The following REV3L variants were observed in gnomAD, a reference collection of about 807,000 sequenced individuals.
The protein encoded by REV3L is DNA polymerase zeta catalytic subunit.
Under a neutral mutation model 299.4 loss-of-function variants are expected in REV3L, and 69 were observed. That is an observed-to-expected ratio of 0.23 (90% CI 0.19 to 0.28). REV3L has a LOEUF of 0.28. Ranked by LOEUF, REV3L falls within the 10% of genes least tolerant of loss-of-function variation. REV3L has a pLI of 1.00. For synonymous variants in REV3L, 1,238 were observed against 1,271.4 expected, an observed-to-expected ratio of 0.97 and a Z score of 0.56; for missense variants, 3,128 against 3,693.8, an observed-to-expected ratio of 0.85 and a Z score of 3.97.
intron 1 of REV3L, among the ~76,000 whole-genome samples, chr6:111,464,287 G>C (rs1223357366): frequency 6.6e-6 from 1 of 152,064 alleles, no homozygotes; most frequent in Non-Finnish European, 1.5e-5. Flanking sequence ...TTTATGCTAG[G>C]GAAGGCAAAT....
chr6:111,351,710 A>T lies in REV3L; in HGVS notation c.7266T>A (p.Ser2422Arg). The change falls in exon 19 of 32, where the codon AGT (serine) becomes AGA (arginine). Residue 2422 changes from serine (S) to arginine (R), a missense_variant. Ser to Arg is a moderately radical substitution (Grantham distance 110). This residue lies in a region of REV3L where 50 missense variants were observed against 48.2 expected (regional missense o/e 1.04). Transcript: ENST00000368802. ...GYLLQRAAALSIDLCRMISRV... is the reference protein window; with the variant it reads ...GYLLQRAAALRIDLCRMISRV... ...GAGAGATCATCCGACATAAGTCAAT[A>T]CTTAAAGCGGCAGCCCTTTGTAAGA... 1 of 1,613,820 alleles carries T rather than the reference A, an allele frequency of 6.2e-7. No homozygotes were observed. The highest frequency in any genetic ancestry group is 8.5e-7 in the Non-Finnish European group (1 of 1,179,800).
chr6:111,377,868 T>C, intron 11 of REV3L, 25 bp from the exon 12 acceptor site: 1 of 1,592,944 alleles, frequency 6.3e-7, no homozygotes, highest in Non-Finnish European at 8.5e-7. Context: ...AATTCACTGG[T>C]GAGCATGATC....
intron 13 of REV3L, among the ~76,000 whole-genome samples, chr6:111,369,688 C>T (rs1336875429): frequency 6.6e-6 from 1 of 151,758 alleles, no homozygotes; most frequent in Non-Finnish European, 1.5e-5. Context: ...GATCACACTT[C>T]ACAAAACAAA....
chr6:111,388,716 A>G (rs1211332669), intron 7 of REV3L, among the ~76,000 whole-genome samples: 2 of 152,200 alleles, frequency 1.3e-5, no homozygotes, highest in South Asian at 2.1e-4. Flanking sequence ...CAGCATTTCA[A>G]TGGCTACATT....
chr6:111,446,338 TTAA>T (rs1383503317), intron 1 of REV3L, among the ~76,000 whole-genome samples: 2 of 152,196 alleles, frequency 1.3e-5, no homozygotes, highest in African/African-American at 2.4e-5. Flanking sequence ...GTGGTTCCTA[TTAA>T]TAATAATGCT....
At chr6:111,427,494 C>G (rs997004502) in intron 1 of REV3L, among the ~76,000 whole-genome samples, 1 of 152,168 alleles carries the variant, frequency 6.6e-6, no homozygotes, top group Non-Finnish European at 1.5e-5. Flanking sequence ...ACCACAAATA[C>G]AGTGCTGACA....
chr6:111,430,903 T>G (rs1161331856), intron 1 of REV3L: 1 of 1,602,744 alleles, frequency 6.2e-7, no homozygotes, highest in Non-Finnish European at 8.5e-7. Context: ...TGGATCTCAT[T>G]GTAGGAGAGC....
intron 1 of REV3L, among the ~76,000 whole-genome samples, chr6:111,435,834 T>C (rs1219135688): frequency 2.0e-5 from 3 of 152,070 alleles, no homozygotes; most frequent in East Asian, 1.9e-4. Context: ...CAAGCTTCTG[T>C]TGAGCAAAGG....
chr6:111,342,769 T>C (rs1461326944), intron 21 of REV3L, among the ~76,000 whole-genome samples: 1 of 151,870 alleles, frequency 6.6e-6, no homozygotes, highest in East Asian at 1.9e-4. Context: ...GAGTAAAAAG[T>C]GACATCGGTC....
chr6:111,446,417 C>T (rs1374685695), intron 1 of REV3L, among the ~76,000 whole-genome samples: 4 of 152,094 alleles, frequency 2.6e-5, no homozygotes, highest in Non-Finnish European at 5.9e-5. Flanking sequence ...ACTCCCAAAT[C>T]AGCTGGGCAC....
Position 111,351,867 on chromosome 6 carries a change from A to T in REV3L, c.7185-76T>A, listed in dbSNP as rs534419192. 21 of 984,946 alleles carry T rather than the reference A, an allele frequency of 2.1e-5. No individual in the cohort carries two copies. The East Asian group carries it at 5.0e-4, about 23-fold the overall frequency. 61.0% of individuals were successfully genotyped at this position (984,946 alleles called of 1,614,324 possible). On this transcript the variant is annotated intron_variant, in intron 18 of 31. Transcript: ENST00000368802. ...TAACCAGAATAATTGTTTCTTCATG[A>T]TATAAGGTATGAAAACAAAAACCTA... is the stretch of plus-strand genomic sequence containing the variant.
rs189180249 is a variant in REV3L, at chr6:111,409,294, C to G, written c.404+2186G>C. On this transcript the variant is annotated intron_variant, in intron 3 of 31. Coordinates refer to ENST00000368802, the MANE Select transcript of REV3L (RefSeq NM_001372078.1). ...ACATAAATGTTACAAAGATATATAA[C>G]CAAGGGTCAAAATTCAATAAAATAA... is the stretch of plus-strand genomic sequence containing the variant. Among the ~76,000 whole-genome samples, 329 of 150,630 alleles carry G rather than the reference C, an allele frequency of 2.2e-3. 1 individual carries two copies. The highest frequency in any genetic ancestry group is 7.5e-3 in the African/African-American group (310 of 41,062).
intron 9 of REV3L, among the ~76,000 whole-genome samples, chr6:111,382,049 G>T (rs1780885275): frequency 6.6e-6 from 1 of 152,106 alleles, no homozygotes; most frequent in Non-Finnish European, 1.5e-5. Flanking sequence ...AAAATACAAA[G>T]AAATGGTTAA....
At chr6:111,352,589 T>C (rs1777688434) in intron 18 of REV3L, among the ~76,000 whole-genome samples, 1 of 152,190 alleles carries the variant, frequency 6.6e-6, no homozygotes, top group Admixed American at 6.5e-5. Flanking sequence ...GAGAATGCTT[T>C]CCTTTTCTCA....
At chr6:111,448,346 C>CTT (rs891225097) in intron 1 of REV3L, among the ~76,000 whole-genome samples, 23 of 147,114 alleles carry the variant, frequency 1.6e-4, no homozygotes, top group Admixed American at 4.1e-4. Flanking sequence ...TTTTTCTTTT[C>CTT]TTTTTTTTTT....
chr6:111,351,716 A>G lies in REV3L; in HGVS notation c.7260T>C (p.Ala2420=), dbSNP rs755578633. 9 of 1,613,754 alleles carry G rather than the reference A, an allele frequency of 5.6e-6. No homozygotes were observed. The highest frequency in any genetic ancestry group is 3.3e-5 in the Admixed American group (2 of 59,992). The change falls in exon 19 of 32, where the codon GCT becomes GCC. Residue 2420 remains alanine, a synonymous_variant. Coordinates refer to ENST00000368802, the MANE Select transcript of REV3L (RefSeq NM_001372078.1). ...TCATCCGACATAAGTCAATACTTAAAGCGGCAGCCCTTTGTAAGAGGTAAC... is the reference window on the plus strand; with the variant it reads ...TCATCCGACATAAGTCAATACTTAAGGCGGCAGCCCTTTGTAAGAGGTAAC... The part of the protein sequence containing the change: ...SWGYLLQRAA[A]LSIDLCRMIS...
At chr6:111,423,019 G>C (rs1785750460) in intron 1 of REV3L, among the ~76,000 whole-genome samples, 1 of 151,930 alleles carries the variant, frequency 6.6e-6, no homozygotes, top group Non-Finnish European at 1.5e-5. Context: ...TTTGTCTAAT[G>C]TGTCTTTGTA....
At chr6:111,416,521 A>G (rs1174473740) in intron 1 of REV3L, 49 bp from the exon 2 acceptor site, 1 of 1,403,592 alleles carries the variant, frequency 7.1e-7, no homozygotes, top group African/African-American at 1.4e-5. Context: ...CAGTTTAACA[A>G]TACAAAACTC....
intron 3 of REV3L, among the ~76,000 whole-genome samples, chr6:111,410,772 T>C (rs1784161548): frequency 6.6e-6 from 1 of 152,236 alleles, no homozygotes; most frequent in East Asian, 1.9e-4. Context: ...AAACATCCAA[T>C]CTGTGTTTTA....
Sources: allele counts gnomAD v4.1 joint callset (sites outside exome capture counted in the v4.1 genomes callset), GRCh38; gene constraint gnomAD v4.1.1; regional missense constraint gnomAD v4.1.1; transcripts MANE v1.5; gene names NCBI Gene and HGNC (gene_info 2026-07-23, HGNC 2026-07-21).